Variants in ARHGAP15 observed in about 807,000 individuals in gnomAD.
ARHGAP15 encodes Rho GTPase activating protein 15.
In ARHGAP15, 51 loss-of-function variants were observed where a neutral mutation model predicts 63.7. That is an observed-to-expected ratio of 0.80 (90% confidence interval 0.64 to 1.01). The LOEUF (loss-of-function observed/expected upper bound fraction) is 1.01, where lower values mean the gene tolerates loss of function less well. ARHGAP15 is among the 50% of genes least tolerant of loss of function. The pLI, the probability that ARHGAP15 is intolerant of heterozygous loss-of-function variation, is 0.00. For synonymous variants in ARHGAP15, 191 were observed against 193.8 expected (o/e 0.99, Z 0.12); for missense variants, 560 against 564.6 (o/e 0.99, Z 0.08).
At chr2:143,201,404 C>T (rs185381515) in intron 2 of ARHGAP15, among the ~76,000 whole-genome samples, 117 of 151,882 alleles carry the variant, frequency 7.7e-4, no homozygotes, top group African/African-American at 2.6e-3. Flanking sequence ...TATATATGTA[C>T]GGGGTAGTGT....
At chr2:143,315,807 T>C (rs192499176) in intron 6 of ARHGAP15, among the ~76,000 whole-genome samples, 3 of 151,258 alleles carry the variant, frequency 2.0e-5, no homozygotes, top group Non-Finnish European at 4.4e-5. Context: ...TATTTAGGCC[T>C]GGAGCAGTGG....
intron 4 of ARHGAP15, among the ~76,000 whole-genome samples, chr2:143,225,887 A>G (rs532371226): frequency 3.7e-4 from 56 of 152,346 alleles, no homozygotes; most frequent in African/African-American, 1.3e-3. Context: ...CATGGGAAAA[A>G]ATCGAGATGA....
intron 1 of ARHGAP15, among the ~76,000 whole-genome samples, chr2:143,131,680 G>A (rs773907317): frequency 2.0e-5 from 3 of 152,090 alleles, no homozygotes; most frequent in Admixed American, 2.0e-4. Context: ...AATAATCCAC[G>A]CTTATAGGAG....
chr2:143,243,422 A>G (rs1208226894), intron 5 of ARHGAP15, among the ~76,000 whole-genome samples: 2 of 152,188 alleles, frequency 1.3e-5, no homozygotes, highest in African/African-American at 2.4e-5. Flanking sequence ...TAACTCTTAA[A>G]TAATTCTATT....
chr2:143,165,992 A>AGG (rs1401060532), intron 2 of ARHGAP15, among the ~76,000 whole-genome samples: 203 of 136,918 alleles, frequency 1.5e-3, no homozygotes, highest in African/African-American at 5.2e-3. Context: ...GAAAGAAAGA[A>AGG]AGAAAGAAAG....
intron 8 of ARHGAP15, among the ~76,000 whole-genome samples, chr2:143,486,598 T>C (rs1692335594): frequency 6.6e-6 from 1 of 151,952 alleles, no homozygotes; most frequent in South Asian, 2.1e-4. Flanking sequence ...AGAAGACATC[T>C]TGGATGTGTT....
chr2:143,490,156 C>T (rs1175125353), intron 9 of ARHGAP15, among the ~76,000 whole-genome samples: 6 of 152,008 alleles, frequency 3.9e-5, no homozygotes, highest in African/African-American at 7.2e-5. Context: ...CCCGCCACCA[C>T]GCCCGGCTAA....
intron 8 of ARHGAP15, among the ~76,000 whole-genome samples, chr2:143,474,720 G>A (rs1691731481): frequency 6.6e-6 from 1 of 152,192 alleles, no homozygotes; most frequent in Admixed American, 6.5e-5. Context: ...CATCTGAAAA[G>A]CTAGGCGCAT....
At chr2:143,424,135 A>G (rs1353878144) in intron 6 of ARHGAP15, among the ~76,000 whole-genome samples, 1 of 152,096 alleles carries the variant, frequency 6.6e-6, no homozygotes, top group Non-Finnish European at 1.5e-5. Flanking sequence ...CTGTAAACAG[A>G]CAGACTACTA....
chr2:143,220,605 T>G (rs775754057), intron 4 of ARHGAP15, among the ~76,000 whole-genome samples: 6 of 152,216 alleles, frequency 3.9e-5, no homozygotes, highest in African/African-American at 4.8e-5. Context: ...ACTGCCATAT[T>G]GCTTACCCAA....
At chr2:143,599,075 A>T (rs1697650713) in intron 11 of ARHGAP15, among the ~76,000 whole-genome samples, 1 of 152,096 alleles carries the variant, frequency 6.6e-6, no homozygotes, top group Non-Finnish European at 1.5e-5. Context: ...AGGGTTGCAA[A>T]GTGAAGTTGA....
Position 143,703,522 on chromosome 2 carries a change from T to C in ARHGAP15, c.1242T>C (p.Thr414=). 6.2e-7 allele frequency: 1 copy of C among 1,602,790 alleles called. No homozygotes were observed. The highest frequency in any genetic ancestry group is 8.5e-7 in the Non-Finnish European group (1 of 1,174,664). The part of the protein sequence containing the change: ...DTMKVLFGHL[T]KIVAKASKNL... ...TGAAAGTCCTCTTTGGACATCTAAC[T>C]AAGTAAGTTGTAAGGATTTCTGGAT... The change falls in exon 13 of 14, where the codon ACT becomes ACC. Residue 414 remains threonine, a splice_region_variant and synonymous_variant. Coordinates refer to ENST00000295095, the MANE Select transcript of ARHGAP15 (RefSeq NM_018460.4).
chr2:143,379,523 G>GTGTGTA (rs1390200807), intron 6 of ARHGAP15, among the ~76,000 whole-genome samples: 4 of 150,838 alleles, frequency 2.7e-5, no homozygotes, highest in Admixed American at 6.6e-5. Flanking sequence ...GTGTGTGTGT[G>GTGTGTA]TGTGTGTGTA....
At chr2:143,153,470 G>A (rs977252873) in intron 1 of ARHGAP15, among the ~76,000 whole-genome samples, 1 of 151,874 alleles carries the variant, frequency 6.6e-6, no homozygotes, top group African/African-American at 2.4e-5. Flanking sequence ...AGGAAAATAA[G>A]AGCAAAATAA....
rs529304621 is a variant in ARHGAP15, at chr2:143,242,148, C to T, written c.385-8363C>T. Among the ~76,000 whole-genome samples the T allele has an allele frequency of 2.0e-5, 3 of 152,288 alleles. No homozygotes were observed. In the East Asian group the frequency reaches 5.8e-4, roughly 29 times the overall value. On this transcript the variant is annotated intron_variant, in intron 5 of 13. Coordinates refer to ENST00000295095, the MANE Select transcript of ARHGAP15 (RefSeq NM_018460.4). ...GCTACTCAGAAAGCCAGGTCCCACT[C>T]CTGCAAAGTGGCATTTCATCTAAAG...
At chr2:143,366,284 C>T (rs1285386176) in intron 6 of ARHGAP15, among the ~76,000 whole-genome samples, 1 of 151,856 alleles carries the variant, frequency 6.6e-6, no homozygotes, top group African/African-American at 2.4e-5. Context: ...GATGTTAAAC[C>T]GTTGTCAAAT....
At chr2:143,290,505 C>A (rs1291333920) in intron 6 of ARHGAP15, among the ~76,000 whole-genome samples, 1 of 151,726 alleles carries the variant, frequency 6.6e-6, no homozygotes, top group Non-Finnish European at 1.5e-5. Flanking sequence ...ATTGCCAAAT[C>A]TTCTGGTCTT....
intron 13 of ARHGAP15, among the ~76,000 whole-genome samples, chr2:143,759,868 A>G (rs1686701709): frequency 6.6e-6 from 1 of 152,160 alleles, no homozygotes; most frequent in Admixed American, 6.5e-5. Context: ...GCCTTGCCCA[A>G]TATTCAATAA....
chr2:143,415,796 A>G (rs1412651261), intron 6 of ARHGAP15, among the ~76,000 whole-genome samples: 1 of 152,220 alleles, frequency 6.6e-6, no homozygotes. Flanking sequence ...ACTAAGCCAT[A>G]AAAATGAATG....
Sources: gnomAD v4.1 joint callset for allele counts (sites outside exome capture counted in the v4.1 genomes callset) on GRCh38, gnomAD v4.1.1 for gene constraint, MANE v1.5 for transcripts, NCBI Gene and HGNC (gene_info 2026-07-23, HGNC 2026-07-21) for gene names.